Variants in CTNNA2 observed in about 807,000 individuals in gnomAD.
The protein encoded by CTNNA2 is catenin alpha 2, also known as catenin alpha-2.
Under a neutral mutation model 101.0 loss-of-function variants are expected in CTNNA2, and 42 were observed. That is an observed-to-expected ratio of 0.42 (90% CI 0.32 to 0.54). The LOEUF (loss-of-function observed/expected upper bound fraction) is 0.54, where lower values mean the gene tolerates loss of function less well. Ranked by LOEUF, CTNNA2 falls within the 20% of genes least tolerant of loss-of-function variation. CTNNA2 has a pLI of 0.14. For synonymous variants in CTNNA2, 450 were observed against 456.4 expected (o/e 0.99, Z 0.18); for missense variants, 871 against 1,223.1 (o/e 0.71, Z 4.29).
chr2:79,923,012 ACT>A (rs1686779544), intron 7 of CTNNA2, among the ~76,000 whole-genome samples: 1 of 152,014 alleles, frequency 6.6e-6, no homozygotes, highest in Non-Finnish European at 1.5e-5. Flanking sequence ...TAGATGGTAG[ACT>A]CTGGACAAAT....
intron 7 of CTNNA2, among the ~76,000 whole-genome samples, chr2:80,125,472 G>T (rs928810527): frequency 6.6e-6 from 1 of 152,086 alleles, no homozygotes; most frequent in Non-Finnish European, 1.5e-5. Flanking sequence ...TCATTTGGCC[G>T]CCCACATGGA....
chr2:80,475,018 A>T (rs1685613725), intron 9 of CTNNA2, among the ~76,000 whole-genome samples: 1 of 152,096 alleles, frequency 6.6e-6, no homozygotes, highest in Non-Finnish European at 1.5e-5. Flanking sequence ...TAAGCAAATG[A>T]GGTGTCTGTG....
At chr2:79,399,785 A>G (rs1335055785) in intron 4 of CTNNA2, among the ~76,000 whole-genome samples, 1 of 152,098 alleles carries the variant, frequency 6.6e-6, no homozygotes, top group Non-Finnish European at 1.5e-5. Context: ...TAGATGTCAG[A>G]CTTACTAGAT....
At chr2:79,391,578 C>A (rs2104472456) in intron 4 of CTNNA2, among the ~76,000 whole-genome samples, 1 of 152,174 alleles carries the variant, frequency 6.6e-6, no homozygotes, top group African/African-American at 2.4e-5. Context: ...ACCCCTAACC[C>A]CTGCATGGTT....
chr2:80,588,744 C>T (rs1028611288), intron 14 of CTNNA2, among the ~76,000 whole-genome samples: 4 of 152,128 alleles, frequency 2.6e-5, no homozygotes, highest in Non-Finnish European at 5.9e-5. Context: ...TGAGAGTAGG[C>T]ACACCGTCCC....
At chr2:80,127,748 T>G (rs1702215504) in intron 7 of CTNNA2, among the ~76,000 whole-genome samples, 1 of 152,148 alleles carries the variant, frequency 6.6e-6, no homozygotes, top group African/African-American at 2.4e-5. Flanking sequence ...AAGACACTAA[T>G]GCCAAATGTG....
intron 7 of CTNNA2, among the ~76,000 whole-genome samples, chr2:79,969,688 C>T (rs1308990800): frequency 1.3e-5 from 2 of 152,166 alleles, no homozygotes; most frequent in African/African-American, 4.8e-5. Flanking sequence ...GTAGGGGACT[C>T]ACTGTGCTTT....
chr2:79,564,131 C>T (rs1255588686), intron 1 of CTNNA2, among the ~76,000 whole-genome samples: 4 of 151,956 alleles, frequency 2.6e-5, no homozygotes, highest in Non-Finnish European at 5.9e-5. Flanking sequence ...CAGCTGCCTT[C>T]GTTACAGGGA....
chr2:80,647,919 C>CT lies in CTNNA2; in HGVS notation c.*52dup. 6.6e-7 allele frequency: 1 copy of CT among 1,512,434 alleles called. No homozygotes were observed. Among genetic ancestry groups the CT allele is most frequent in the Non-Finnish European group, 8.9e-7 (1 of 1,129,796 alleles). The allele number at this position is 1,512,434 out of a possible 1,614,324, so 93.7% of individuals were successfully genotyped here. ...AGCTTTTTCTTTCTTTTCTTTCTTT[C>CT]TTTTTCTTTTTAATTCCATTTTTGT... On this transcript the variant is annotated 3_prime_UTR_variant, in exon 19 of 19. Transcript: ENST00000402739.
chr2:80,436,569 C>T (rs1574036726), intron 9 of CTNNA2, among the ~76,000 whole-genome samples: 1 of 152,182 alleles, frequency 6.6e-6, no homozygotes, highest in East Asian at 1.9e-4. Flanking sequence ...CTGTTTTGGT[C>T]TATTCATGGT....
At chr2:79,223,568 A>G (rs77282605) in intron 2 of CTNNA2, among the ~76,000 whole-genome samples, 11,237 of 152,218 alleles carry the variant, frequency 0.074, 499 homozygotes, top group East Asian at 0.14. Flanking sequence ...GGCACATGCT[A>G]TCAGTCACCC....
At position 80,329,185 on chromosome 2, in the gene CTNNA2, T is replaced by G. The variant is rs1427977202; in HGVS notation, c.1057-64026T>G. On this transcript the variant is annotated intron_variant, in intron 7 of 18. Coordinates refer to ENST00000402739, the MANE Select transcript of CTNNA2 (RefSeq NM_001282597.3). ...TGAAGCAGGTATCAGCTGACTTCCTTTCAACCTTTATTTGATTGGTATTTG... is the reference window on the plus strand; with the variant it reads ...TGAAGCAGGTATCAGCTGACTTCCTGTCAACCTTTATTTGATTGGTATTTG... Among the ~76,000 whole-genome samples, 10 of 152,376 alleles carry G rather than the reference T, an allele frequency of 6.6e-5. No homozygotes were observed. The East Asian group carries it at 1.9e-3, about 29-fold the overall frequency.
intron 2 of CTNNA2, among the ~76,000 whole-genome samples, chr2:79,288,679 C>T (rs1312741399): frequency 6.6e-6 from 1 of 152,158 alleles, no homozygotes; most frequent in African/African-American, 2.4e-5. Context: ...GGAGTTCCAA[C>T]TGCTGTTTTT....
At chr2:80,646,668 C>A (rs1357977152) in intron 18 of CTNNA2, among the ~76,000 whole-genome samples, 1 of 151,962 alleles carries the variant, frequency 6.6e-6, no homozygotes, top group Admixed American at 6.6e-5. Flanking sequence ...GTACATACCA[C>A]ACTAACTACT....
At chr2:79,931,350 C>T (rs1338467240) in intron 7 of CTNNA2, among the ~76,000 whole-genome samples, 1 of 151,888 alleles carries the variant, frequency 6.6e-6, no homozygotes, top group African/African-American at 2.4e-5. Flanking sequence ...TTTTCTTTTT[C>T]TCCCCTATAC....
chr2:80,023,467 G>GTTT (rs112927529), intron 7 of CTNNA2, among the ~76,000 whole-genome samples: 3 of 151,736 alleles, frequency 2.0e-5, no homozygotes, highest in African/African-American at 7.3e-5. Context: ...TTCAGGCTCT[G>GTTT]TTTTTTTTCA....
chr2:79,366,589 G>C (rs777116877), intron 3 of CTNNA2, among the ~76,000 whole-genome samples: 64 of 152,090 alleles, frequency 4.2e-4, no homozygotes, highest in Non-Finnish European at 2.1e-4. Context: ...AACTTTTAGA[G>C]AGTTTCAGAA....
chr2:79,874,726 T>C (rs2104064795), intron 6 of CTNNA2, among the ~76,000 whole-genome samples: 1 of 152,176 alleles, frequency 6.6e-6, no homozygotes, highest in South Asian at 2.1e-4. Flanking sequence ...GAGAATCGCT[T>C]AAACTCGGGA....
chr2:80,555,623 G>A, intron 11 of CTNNA2, 70 bp from the exon 12 acceptor site: 2 of 890,278 alleles, frequency 2.2e-6, no homozygotes, highest in South Asian at 2.6e-5. Context: ...CATGAGAGTT[G>A]AATCAATTTT....
Sources: gnomAD v4.1 joint callset for allele counts (sites outside exome capture counted in the v4.1 genomes callset) on GRCh38, gnomAD v4.1.1 for gene constraint, MANE v1.5 for transcripts, NCBI Gene and HGNC (gene_info 2026-07-23, HGNC 2026-07-21) for gene names.